The following NKAIN2 variants were observed in gnomAD, a reference collection of about 807,000 sequenced individuals.
NKAIN2 encodes sodium/potassium transporting ATPase interacting 2, also known as sodium/potassium-transporting ATPase subunit beta-1-interacting protein 2.
A neutral mutation model predicts 32.6 loss-of-function variants in NKAIN2; 14 were observed. The ratio of observed to expected loss-of-function variants is 0.43; its 90% confidence interval spans 0.28 to 0.67. NKAIN2 has a LOEUF of 0.67. Ranked by LOEUF, NKAIN2 falls within the 30% of genes least tolerant of loss-of-function variation. NKAIN2 has a pLI of 0.17. For missense variants in NKAIN2, 198 were observed against 258.3 expected, an observed-to-expected ratio of 0.77 and a Z score of 1.60; for synonymous variants, 80 against 87.2, an observed-to-expected ratio of 0.92 and a Z score of 0.46.
At chr6:124,054,610 C>T (rs1181835124) in intron 1 of NKAIN2, among the ~76,000 whole-genome samples, 1 of 152,054 alleles carries the variant, frequency 6.6e-6, no homozygotes, top group East Asian at 1.9e-4. Context: ...TTCCCCCTCA[C>T]TCTAGCCATA....
intron 3 of NKAIN2, among the ~76,000 whole-genome samples, chr6:124,511,673 G>A (rs1210269419): frequency 6.6e-6 from 1 of 152,098 alleles, no homozygotes; most frequent in East Asian, 1.9e-4. Context: ...TCTAGGTTGT[G>A]GTTTAATAGA....
chr6:124,733,706 T>G (rs1297398858), intron 4 of NKAIN2, among the ~76,000 whole-genome samples: 1 of 151,826 alleles, frequency 6.6e-6, no homozygotes, highest in African/African-American at 2.4e-5. Flanking sequence ...ATTGGGGACA[T>G]TAGTGTGAGT....
At chr6:124,279,088 A>G (rs1236635348) in intron 1 of NKAIN2, among the ~76,000 whole-genome samples, 2 of 152,158 alleles carry the variant, frequency 1.3e-5, no homozygotes, top group African/African-American at 4.8e-5. Flanking sequence ...TGACAGATAT[A>G]TGCCTATATG....
At chr6:124,206,921 A>G (rs578238208) in intron 1 of NKAIN2, among the ~76,000 whole-genome samples, 1 of 151,820 alleles carries the variant, frequency 6.6e-6, no homozygotes, top group Non-Finnish European at 1.5e-5. Flanking sequence ...TACGGGATTA[A>G]CATCTCATAT....
intron 1 of NKAIN2, among the ~76,000 whole-genome samples, chr6:124,028,847 ATG>A (rs566262158): frequency 1.8e-3 from 234 of 132,842 alleles, no homozygotes; most frequent in African/African-American, 6.6e-3. Flanking sequence ...ATATGTATAT[ATG>A]TGTGTGTCTA....
At position 124,269,554 on chromosome 6, in the gene NKAIN2, G is replaced by A. The variant is rs146799874; in HGVS notation, c.55-13451G>A. On this transcript the variant is annotated intron_variant, in intron 1 of 6. Transcript: ENST00000368417. ...GCGAACTCGGCTCACTGAAACCTCC[G>A]CCTCCCAAGTTCAAGCGATTCTCCT... 7.4e-4 allele frequency among the ~76,000 whole-genome samples: 110 copies of A among 148,298 alleles called. 1 individual carries two copies. Among genetic ancestry groups the A allele is most frequent in the South Asian group, 7.1e-3 (33 of 4,676 alleles).
intron 4 of NKAIN2, among the ~76,000 whole-genome samples, chr6:124,772,594 C>G (rs1367534789): frequency 6.6e-6 from 1 of 152,140 alleles, no homozygotes; most frequent in Non-Finnish European, 1.5e-5. Flanking sequence ...CATTTCATAA[C>G]TTAGAGAAAT....
intron 4 of NKAIN2, among the ~76,000 whole-genome samples, chr6:124,771,272 TA>T (rs751338182): frequency 3.3e-5 from 5 of 152,218 alleles, no homozygotes; most frequent in Non-Finnish European, 7.3e-5. Flanking sequence ...TCATATTGTT[TA>T]TAGAAGAATT....
intron 2 of NKAIN2, among the ~76,000 whole-genome samples, chr6:124,332,769 T>C (rs917373769): frequency 1.3e-5 from 2 of 152,222 alleles, no homozygotes; most frequent in Non-Finnish European, 2.9e-5. Flanking sequence ...TGTTTGTTGC[T>C]ATCACCACTG....
At chr6:123,904,357 G>T (rs933722614) in intron 1 of NKAIN2, among the ~76,000 whole-genome samples, 2 of 152,200 alleles carry the variant, frequency 1.3e-5, no homozygotes, top group Non-Finnish European at 2.9e-5. Context: ...ATGTCAACCA[G>T]TTATCAGGGC....
At chr6:124,815,239 T>TATATATAA (rs1781103620) in intron 5 of NKAIN2, among the ~76,000 whole-genome samples, 1 of 143,522 alleles carries the variant, frequency 7.0e-6, no homozygotes, top group Non-Finnish European at 1.5e-5. Context: ...TATATATATA[T>TATATATAA]ATGTATATAT....
intron 3 of NKAIN2, among the ~76,000 whole-genome samples, chr6:124,470,014 G>A (rs559115266): frequency 8.5e-5 from 13 of 152,306 alleles, no homozygotes; most frequent in Middle Eastern, 6.8e-3. Flanking sequence ...GATGCTCAGG[G>A]AAATTAGGAA....
intron 3 of NKAIN2, among the ~76,000 whole-genome samples, chr6:124,532,505 C>T (rs1013910929): frequency 1.6e-4 from 25 of 152,078 alleles, no homozygotes; most frequent in Admixed American, 1.6e-3. Context: ...GGGGGAAGTA[C>T]CATCCAGTCT....
At chr6:124,114,573 A>T (rs1242393579) in intron 1 of NKAIN2, among the ~76,000 whole-genome samples, 6 of 152,230 alleles carry the variant, frequency 3.9e-5, no homozygotes, top group Admixed American at 3.3e-4. Context: ...ATTTGGTGAG[A>T]TCACTAAGGG....
chr6:124,339,831 G>A (rs911262904), intron 2 of NKAIN2, among the ~76,000 whole-genome samples: 2 of 152,122 alleles, frequency 1.3e-5, no homozygotes, highest in Admixed American at 1.3e-4. Context: ...GTGGAAGGTC[G>A]GGGGAGGCCA....
chr6:124,495,231 A>C lies in NKAIN2; in HGVS notation c.273+139884A>C, dbSNP rs1035111493. On this transcript the variant is annotated intron_variant, in intron 3 of 6. Transcript: ENST00000368417. The stretch of plus-strand genomic sequence containing the variant: ...TTATTTCCTCTTTTGTTTCCATCTT[A>C]ATTATGCAGCTTTGATTTCTGCAGT... Among the ~76,000 whole-genome samples, 75 of 152,160 alleles carry C rather than the reference A, an allele frequency of 4.9e-4. 2 individuals carry two copies. Among genetic ancestry groups the C allele is most frequent in the South Asian group, 4.1e-4 (2 of 4,826 alleles).
chr6:124,011,810 C>G (rs1310209214), intron 1 of NKAIN2, among the ~76,000 whole-genome samples: 1 of 152,140 alleles, frequency 6.6e-6, no homozygotes, highest in East Asian at 1.9e-4. Flanking sequence ...TATATTCCTG[C>G]CACGAGACCC....
intron 4 of NKAIN2, among the ~76,000 whole-genome samples, chr6:124,664,919 T>A (rs1772715897): frequency 6.8e-6 from 1 of 147,496 alleles, no homozygotes; most frequent in African/African-American, 2.5e-5. Flanking sequence ...CAAGAATGTA[T>A]ACGTGTATCT....
At chr6:123,818,004 A>C (rs553211247) in intron 1 of NKAIN2, among the ~76,000 whole-genome samples, 2 of 152,174 alleles carry the variant, frequency 1.3e-5, no homozygotes, top group Non-Finnish European at 2.9e-5. Context: ...GATTTTATCT[A>C]AGACTCAGTG....
Sources: gnomAD v4.1 joint callset for allele counts (sites outside exome capture counted in the v4.1 genomes callset) on GRCh38, gnomAD v4.1.1 for gene constraint, MANE v1.5 for transcripts, NCBI Gene and HGNC (gene_info 2026-07-23, HGNC 2026-07-21) for gene names.